SLC12A3: variants seen among roughly 807,000 people sequenced by gnomAD.
SLC12A3 encodes Na-Cl cotransporter.
SLC12A3 carries 104 observed loss-of-function variants against 121.0 expected under a neutral mutation model. That is an observed-to-expected ratio of 0.86 (90% CI 0.73 to 1.01). The LOEUF (loss-of-function observed/expected upper bound fraction) is 1.01, where lower values mean the gene tolerates loss of function less well. SLC12A3 is among the 50% of genes least tolerant of loss of function. The pLI is 0.00. For synonymous variants in SLC12A3, 536 were observed against 533.4 expected, an observed-to-expected ratio of 1.00 and a Z score of -0.07; for missense variants, 1,328 against 1,356.3, an observed-to-expected ratio of 0.98 and a Z score of 0.33.
rs190284273 is a variant in SLC12A3 at position 56,883,375 on chromosome 16, G to T, written c.1670-674G>T. ...GGCTCACTGCAAGCTCCACCTCCCG[G>T]GTTCATGCCATTCTCCCACCTCAGC... On this transcript the variant is annotated intron_variant, in intron 13 of 25. Coordinates refer to ENST00000563236, the MANE Select transcript of SLC12A3 (RefSeq NM_001126108.2). Among the ~76,000 whole-genome samples, 27 of 150,800 alleles carry T rather than the reference G, an allele frequency of 1.8e-4. No individual in the cohort carries two copies. The East Asian group carries it at 5.3e-3, about 30-fold the overall frequency.
chr16:56,897,252 A>G (rs1390711007), intron 22 of SLC12A3, among the ~76,000 whole-genome samples: 1 of 152,190 alleles, frequency 6.6e-6, no homozygotes, highest in Non-Finnish European at 1.5e-5. Context: ...GGGAGGTGGT[A>G]GGCTGGAGGT....
At chr16:56,872,631 T>C in intron 7 of SLC12A3, 25 bp from the exon 8 acceptor site, 1 of 1,614,116 alleles carries the variant, frequency 6.2e-7, no homozygotes, top group Non-Finnish European at 8.5e-7. Flanking sequence ...AGGTGAGCCT[T>C]ACTCATCAGG....
rs373357035 is a variant in SLC12A3 at position 56,913,385 on chromosome 16, C to A, written c.3046C>A (p.Leu1016Ile). ...GATCCGAGGAAACCAGGAAAACGTG[C>A]TCACCTTTTACTGCCAGTAACTCCA... The part of the protein sequence containing the change: ...ILIRGNQENV[L>I]TFYCQ The change falls in exon 26 of 26, where the codon CTC becomes ATC. Residue 1016 changes from leucine (L) to isoleucine (I), a missense_variant. By Grantham distance (5) the Leu-to-Ile change is conservative. Transcript: ENST00000563236. 1 of 1,614,188 alleles carries A rather than the reference C, an allele frequency of 6.2e-7. No homozygotes were observed. Among genetic ancestry groups the A allele is most frequent in the Non-Finnish European group, 8.5e-7 (1 of 1,180,000 alleles).
rs2055219725 is a variant in SLC12A3 at position 56,880,157 on chromosome 16, C to T, written c.1471C>T (p.Leu491=). The T allele has an allele frequency of 3.1e-6, 5 of 1,607,460 alleles. No individual in the cohort carries two copies. Among genetic ancestry groups the T allele is most frequent in the Non-Finnish European group, 3.4e-6 (4 of 1,177,856 alleles). Residue 491 remains leucine, a synonymous_variant, in exon 12 of 26, where the codon CTG becomes TTG. Transcript: ENST00000563236. ...CCTTTGCGAGGACCAGCTGTACCCA[C>T]TGATCGGCTTCTTCGGCAAAGGCTA... is the stretch of plus-strand genomic sequence containing the variant. ...QCLCEDQLYP[L]IGFFGKGYGK...
chr16:56,888,111 G>A (rs2055344097), intron 18 of SLC12A3, 80 bp downstream of exon 18: 3 of 1,076,080 alleles, frequency 2.8e-6, no homozygotes, highest in East Asian at 2.6e-5. Flanking sequence ...AGAAGTAGTG[G>A]GTGCTTAAAA....
At chr16:56,881,991 G>A (rs1007145928) in intron 12 of SLC12A3, among the ~76,000 whole-genome samples, 12 of 151,338 alleles carry the variant, frequency 7.9e-5, no homozygotes, top group African/African-American at 2.9e-4. Context: ...AGAGGTTGCA[G>A]TGAGCCGAGA....
intron 25 of SLC12A3, among the ~76,000 whole-genome samples, chr16:56,905,954 A>C (rs1213185884): frequency 1.3e-5 from 2 of 152,198 alleles, no homozygotes; most frequent in African/African-American, 4.8e-5. Context: ...CAAGTGCCTC[A>C]TCAAGCTTGC....
At chr16:56,867,257 G>C (rs956633276) in intron 2 of SLC12A3, 41 bp downstream of exon 2, 7 of 1,571,434 alleles carry the variant, frequency 4.5e-6, no homozygotes, top group Non-Finnish European at 6.0e-6. Flanking sequence ...CAGAAATGGG[G>C]GTGGGGTGGC....
At chr16:56,869,926 C>A (rs1194459245) in intron 4 of SLC12A3, 102 bp downstream of exon 4, 109 of 1,380,976 alleles carry the variant, frequency 7.9e-5, no homozygotes, top group Non-Finnish European at 1.1e-4. Flanking sequence ...CCAGCCGCTC[C>A]TGTGGTTCCG....
At chr16:56,904,531 C>T in intron 25 of SLC12A3, 69 bp downstream of exon 25, 2 of 1,466,816 alleles carry the variant, frequency 1.4e-6, no homozygotes, top group Non-Finnish European at 1.9e-6. Context: ...TGGGAAGGGG[C>T]TCAGCAGGGG....
intron 23 of SLC12A3, among the ~76,000 whole-genome samples, chr16:56,900,446 A>G (rs2055522336): frequency 6.6e-6 from 1 of 152,230 alleles, no homozygotes; most frequent in Admixed American, 6.5e-5. Context: ...TTGATGATCA[A>G]AAAGAGATCA....
Position 56,882,513 on chromosome 16 carries a change from A to T in SLC12A3, c.1669+16A>T. The T allele has an allele frequency of 1.9e-6, 3 of 1,599,288 alleles. No homozygotes were observed. The South Asian group carries it at 3.3e-5, about 18-fold the overall frequency. ...AACTCGCCTGGTAAGCAAACCCTTC[A>T]CCCACCTCAGGAGGAGGCACCCAGG... On this transcript the variant is annotated intron_variant, in intron 13 of 25. Transcript: ENST00000563236.
Position 56,869,790 on chromosome 16 carries a change from C to T in SLC12A3, c.567C>T (p.Ile189=). The T allele has an allele frequency of 6.2e-7, 1 of 1,614,202 alleles. No individual in the cohort carries two copies. Among genetic ancestry groups the T allele is most frequent in the Non-Finnish European group, 8.5e-7 (1 of 1,180,016 alleles). The part of the protein sequence containing the change: ...VTVTSITGLS[I]SAISTNGKVK... ...TGACCTCCATCACAGGCCTCTCCAT[C>T]TCAGCCATCTCCACCAATGGCAAGG... The change falls in exon 4 of 26, where the codon ATC becomes ATT. Residue 189 remains isoleucine, a synonymous_variant. Transcript: ENST00000563236.
intron 1 of SLC12A3, among the ~76,000 whole-genome samples, chr16:56,866,763 T>A (rs1469667567): frequency 6.6e-6 from 1 of 152,126 alleles, no homozygotes; most frequent in Non-Finnish European, 1.5e-5. Flanking sequence ...CACACCACCA[T>A]GCCCAGCTAA....
chr16:56,869,928 G>A, intron 4 of SLC12A3, 104 bp downstream of exon 4: 1 of 1,373,322 alleles, frequency 7.3e-7, no homozygotes, highest in Non-Finnish European at 1.0e-6. Flanking sequence ...AGCCGCTCCT[G>A]TGGTTCCGGG....
Position 56,865,568 on chromosome 16 carries a change from C to G in SLC12A3, c.282+51C>G, listed in dbSNP as rs778782903. The G allele has an allele frequency of 1.9e-6, 3 of 1,578,158 alleles. No individual in the cohort carries two copies. In the Admixed American group the frequency reaches 5.0e-5, roughly 26 times the overall value. The stretch of plus-strand genomic sequence containing the variant: ...CACTTCCCTGCTGTGTGACCTCGAC[C>G]CAGCTACCTAACCTCTCTGAGCCTC... On this transcript the variant is annotated intron_variant, in intron 1 of 25. Transcript: ENST00000563236.
chr16:56,902,524 G>T lies in SLC12A3; in HGVS notation c.2856+16G>T. ...CAGAGTCAAGGTGCAGAGAGGGGTG[G>T]GGGTGGGAAACGCGACACATCACTG... On this transcript the variant is annotated intron_variant, in intron 24 of 25. Transcript: ENST00000563236. 6.3e-7 allele frequency: 1 copy of T among 1,584,530 alleles called. No individual in the cohort carries two copies. The highest frequency in any genetic ancestry group is 1.1e-5 in the South Asian group (1 of 90,406).
rs558845130 is a variant in SLC12A3 at position 56,913,919 on chromosome 16, A to G, written c.*514A>G. Reference sequence around the variant, plus strand: ...CAGCCAGGCAAATACATATATATATATTTTTTTTTTAGATGAAGTTTTTTC... The same window carrying G: ...CAGCCAGGCAAATACATATATATATGTTTTTTTTTTAGATGAAGTTTTTTC... On this transcript the variant is annotated 3_prime_UTR_variant, in exon 26 of 26. Transcript: ENST00000563236. 1 of 151,734 alleles carries G rather than the reference A, an allele frequency of 6.6e-6. No homozygotes were observed. Among genetic ancestry groups the G allele is most frequent in the Non-Finnish European group, 1.5e-5 (1 of 68,348 alleles). The allele number at this position is 151,734 out of a possible 1,614,324, so 9.4% of individuals were successfully genotyped here. A position where few individuals can be genotyped will look rare whatever the true frequency, so the allele number is the denominator to read the frequency against.
At chr16:56,866,377 A>G (rs1196453413) in intron 1 of SLC12A3, among the ~76,000 whole-genome samples, 1 of 152,200 alleles carries the variant, frequency 6.6e-6, no homozygotes, top group Non-Finnish European at 1.5e-5. Context: ...CCTTGGCTCC[A>G]TACTGAGATG....
Sources: gnomAD v4.1 joint callset for allele counts (sites outside exome capture counted in the v4.1 genomes callset) on GRCh38, gnomAD v4.1.1 for gene constraint, MANE v1.5 for transcripts, NCBI Gene and HGNC (gene_info 2026-07-23, HGNC 2026-07-21) for gene names.